The following RIT2 variants were observed in gnomAD, a reference collection of about 807,000 sequenced individuals.
RIT2 encodes the protein GTP-binding protein Rit2.
Under a neutral mutation model 23.7 loss-of-function variants are expected in RIT2, and 24 were observed. That is an observed-to-expected ratio of 1.01 (90% confidence interval 0.73 to 1.43). RIT2 has a LOEUF of 1.43. Ranked by LOEUF, RIT2 falls within the 40% of genes most tolerant of loss-of-function variation. RIT2 has a pLI of 0.00. For synonymous variants in RIT2, 107 were observed against 91.1 expected (o/e 1.17, Z -0.99); for missense variants, 236 against 266.9 (o/e 0.88, Z 0.81).
chr18:42,922,594 C>T (rs758475393), intron 4 of RIT2, among the ~76,000 whole-genome samples: 1 of 152,096 alleles, frequency 6.6e-6, no homozygotes, highest in Non-Finnish European at 1.5e-5. Flanking sequence ...GATTCTTGAA[C>T]CAGGGCAACT....
intron 4 of RIT2, among the ~76,000 whole-genome samples, chr18:42,907,876 G>A (rs1227943877): frequency 6.6e-6 from 1 of 151,958 alleles, no homozygotes; most frequent in African/African-American, 2.4e-5. Context: ...AGCTACTTGG[G>A]AGACTGAGTC....
At chr18:42,929,935 C>T (rs1407939798) in intron 3 of RIT2, among the ~76,000 whole-genome samples, 2 of 152,108 alleles carry the variant, frequency 1.3e-5, no homozygotes, top group Non-Finnish European at 2.9e-5. Context: ...CAGTGAGGAA[C>T]ATAGGCCTGC....
chr18:42,934,407 A>G (rs979285393), intron 3 of RIT2, among the ~76,000 whole-genome samples: 1 of 152,212 alleles, frequency 6.6e-6, no homozygotes, highest in Admixed American at 6.5e-5. Context: ...TGGAAAAAAT[A>G]GGATTTCATT....
chr18:42,760,391 T>G (rs557462555), intron 4 of RIT2, among the ~76,000 whole-genome samples: 1 of 152,330 alleles, frequency 6.6e-6, no homozygotes, highest in African/African-American at 2.4e-5. Context: ...ACTGCATTTC[T>G]AAGTCAGTGA....
chr18:43,002,401 C>G (rs186567714), intron 2 of RIT2, among the ~76,000 whole-genome samples: 1 of 151,930 alleles, frequency 6.6e-6, no homozygotes, highest in African/African-American at 2.4e-5. Context: ...TGGCAACACC[C>G]TCACAGACAC....
At chr18:42,857,641 A>C (rs964995484) in intron 4 of RIT2, among the ~76,000 whole-genome samples, 3 of 152,338 alleles carry the variant, frequency 2.0e-5, no homozygotes, top group Non-Finnish European at 4.4e-5. Flanking sequence ...AGCCCCTGAA[A>C]AGGGCCTGCA....
chr18:43,109,628 C>T (rs1913907100), intron 1 of RIT2, among the ~76,000 whole-genome samples: 1 of 152,152 alleles, frequency 6.6e-6, no homozygotes, highest in Non-Finnish European at 1.5e-5. Flanking sequence ...ATAGCCACCC[C>T]TTATACTGAG....
chr18:43,044,117 T>TA (rs1912192825), intron 1 of RIT2, among the ~76,000 whole-genome samples: 3 of 152,020 alleles, frequency 2.0e-5, no homozygotes, highest in African/African-American at 7.2e-5. Flanking sequence ...AAAGTCAAGG[T>TA]AAAAGGGAGG....
chr18:42,943,032 G>C (rs1161216293), intron 3 of RIT2, among the ~76,000 whole-genome samples: 1 of 152,010 alleles, frequency 6.6e-6, no homozygotes, highest in African/African-American at 2.4e-5. Flanking sequence ...AGATGGCATG[G>C]ACCCAAAGAG....
At chr18:43,008,429 A>C (rs1265129094) in intron 2 of RIT2, among the ~76,000 whole-genome samples, 1 of 151,450 alleles carries the variant, frequency 6.6e-6, no homozygotes, top group Non-Finnish European at 1.5e-5. Context: ...GAGCTATAAT[A>C]AGGGTTACTT....
intron 4 of RIT2, among the ~76,000 whole-genome samples, chr18:42,778,224 A>T (rs1299138720): frequency 6.6e-6 from 1 of 152,194 alleles, no homozygotes. Flanking sequence ...AACAGGAATT[A>T]CATGCTCATT....
At chr18:42,863,151 G>A (rs545157332) in intron 4 of RIT2, among the ~76,000 whole-genome samples, 35 of 151,866 alleles carry the variant, frequency 2.3e-4, no homozygotes, top group African/African-American at 8.0e-4. Context: ...TTTATAAATT[G>A]TGATCATCCT....
intron 1 of RIT2, among the ~76,000 whole-genome samples, chr18:43,069,632 C>T (rs1263836585): frequency 6.6e-6 from 1 of 152,120 alleles, no homozygotes; most frequent in African/African-American, 2.4e-5. Flanking sequence ...TCAATCAAAT[C>T]CTTTTATATC....
At chr18:42,856,922 C>CG (rs1907200715) in intron 4 of RIT2, among the ~76,000 whole-genome samples, 1 of 149,650 alleles carries the variant, frequency 6.7e-6, no homozygotes, top group African/African-American at 2.5e-5. Context: ...CTCCGCCTCC[C>CG]AGTTCACGCT....
chr18:42,999,530 G>A (rs916919996), intron 2 of RIT2, among the ~76,000 whole-genome samples: 4 of 152,078 alleles, frequency 2.6e-5, no homozygotes, highest in Non-Finnish European at 5.9e-5. Flanking sequence ...TGGGGCAAAA[G>A]AGGTTGTTTC....
intron 1 of RIT2, among the ~76,000 whole-genome samples, chr18:43,071,786 A>T (rs1912902780): frequency 6.6e-6 from 1 of 152,134 alleles, no homozygotes; most frequent in Admixed American, 6.5e-5. Context: ...TGTATTTAAA[A>T]GCATTATTAA....
chr18:43,047,135 C>A (rs144438175), intron 1 of RIT2, among the ~76,000 whole-genome samples: 1 of 152,148 alleles, frequency 6.6e-6, no homozygotes, highest in African/African-American at 2.4e-5. Flanking sequence ...CAGATCATTT[C>A]TTTTTTCTCA....
intron 3 of RIT2, among the ~76,000 whole-genome samples, chr18:42,973,107 AC>A (rs1183462394): frequency 1.3e-5 from 2 of 151,706 alleles, no homozygotes; most frequent in African/African-American, 4.8e-5. Flanking sequence ...ACTTTTGCCT[AC>A]CTTTTTAATT....
chr18:42,774,840 T>C (rs1913630731), intron 4 of RIT2, among the ~76,000 whole-genome samples: 1 of 152,076 alleles, frequency 6.6e-6, no homozygotes, highest in African/African-American at 2.4e-5. Flanking sequence ...CTTTAATAGG[T>C]AGTGATGGAA....
Sources: gnomAD v4.1 joint callset for allele counts (sites outside exome capture counted in the v4.1 genomes callset) on GRCh38, gnomAD v4.1.1 for gene constraint, MANE v1.5 for transcripts, NCBI Gene and HGNC (gene_info 2026-07-23, HGNC 2026-07-21) for gene names.